ISY1: variants seen among roughly 807,000 people sequenced by gnomAD.
The protein encoded by ISY1 is ISY1 spliceosome associated protein.
In ISY1, 12 loss-of-function variants were observed where a neutral mutation model predicts 54.4. The observed-to-expected ratio is 0.22, with a 90% CI of 0.14 to 0.36. The LOEUF (loss-of-function observed/expected upper bound fraction) is 0.36, where lower values mean the gene tolerates loss of function less well. Among genes scored for constraint, ISY1 ranks in the 10% least tolerant of loss-of-function variants. The probability of loss-of-function intolerance (pLI) is 1.00; values close to 1 mark genes in which losing one functional copy is unlikely to be tolerated. For missense variants in ISY1, 282 were observed against 342.2 expected, an observed-to-expected ratio of 0.82 and a Z score of 1.39; for synonymous variants, 96 against 117.9, an observed-to-expected ratio of 0.81 and a Z score of 1.20.
At chr3:129,156,507 C>T (rs1176937520) in intron 5 of ISY1, 126 bp downstream of exon 5, 1 of 924,282 alleles carries the variant, frequency 1.1e-6, no homozygotes, top group Non-Finnish European at 1.6e-6. Flanking sequence ...TATTGATTGG[C>T]TCTTCTATGT....
intron 9 of ISY1, 135 bp from the exon 10 acceptor site, chr3:129,130,771 C>T (rs1936216906): frequency 1.1e-6 from 1 of 904,998 alleles, no homozygotes. Flanking sequence ...TAGAAAGACA[C>T]TTGACCCACA....
At chr3:129,137,500 A>G (rs1043934661) in intron 7 of ISY1, among the ~76,000 whole-genome samples, 11 of 152,210 alleles carry the variant, frequency 7.2e-5, no homozygotes, top group African/African-American at 2.2e-4. Flanking sequence ...ATAGAGCATA[A>G]TCACAATATA....
Position 129,135,713 on chromosome 3 carries a change from C to T in ISY1, c.419-759G>A, listed in dbSNP as rs561041434. Reference sequence around the variant, plus strand: ...CCCAGGGGACAGAGGTTGCAGTGAGCGAAGACTGCACCACTGCACTGCAGC... The same window carrying T: ...CCCAGGGGACAGAGGTTGCAGTGAGTGAAGACTGCACCACTGCACTGCAGC... On this transcript the variant is annotated intron_variant, in intron 7 of 10. Coordinates refer to ENST00000393295, the MANE Select transcript of ISY1 (RefSeq NM_020701.4). 1.0e-4 allele frequency among the ~76,000 whole-genome samples: 15 copies of T among 150,644 alleles called. No homozygotes were observed. In the East Asian group the frequency reaches 2.7e-3, roughly 27 times the overall value.
Position 129,156,680 on chromosome 3 carries a change from T to C in ISY1, c.145-5A>G, listed in dbSNP as rs1038901645. On this transcript the variant is annotated splice_polypyrimidine_tract_variant and splice_region_variant and intron_variant, in intron 4 of 10. Transcript: ENST00000393295. The stretch of plus-strand genomic sequence containing the variant: ...TTTAGAGATCTCTCCAATGATCTAT[T>C]AAAAAAAAGTAATACATTTTAATAA... 1 of 1,599,290 alleles carries C rather than the reference T, an allele frequency of 6.3e-7. No homozygotes were observed. Among genetic ancestry groups the C allele is most frequent in the Non-Finnish European group, 8.5e-7 (1 of 1,174,228 alleles).
chr3:129,134,362 C>T (rs1936329913), intron 8 of ISY1, among the ~76,000 whole-genome samples, 167 bp from the exon 9 acceptor site: 2 of 152,178 alleles, frequency 1.3e-5, no homozygotes, highest in African/African-American at 4.8e-5. Context: ...CATGGTAGTC[C>T]TACAACAGCT....
At chr3:129,156,223 CCT>C (rs939613161) in intron 5 of ISY1, among the ~76,000 whole-genome samples, 4 of 151,586 alleles carry the variant, frequency 2.6e-5, no homozygotes, top group African/African-American at 9.7e-5. Flanking sequence ...ATGGTGAAAC[CCT>C]GTCTCTACTG....
intron 9 of ISY1, among the ~76,000 whole-genome samples, chr3:129,132,122 C>T (rs185002543): frequency 1.1e-3 from 169 of 152,210 alleles, no homozygotes; most frequent in African/African-American, 3.8e-3. Flanking sequence ...GACCACCACC[C>T]CCGGCCAGTT....
intron 7 of ISY1, among the ~76,000 whole-genome samples, chr3:129,137,423 C>T (rs1936443006): frequency 6.6e-6 from 1 of 151,948 alleles, no homozygotes; most frequent in Non-Finnish European, 1.5e-5. Context: ...ATTTAAAAAC[C>T]CAAAACTCTA....
chr3:129,133,935 T>C, intron 9 of ISY1, 139 bp downstream of exon 9: 2 of 1,443,632 alleles, frequency 1.4e-6, no homozygotes, highest in Admixed American at 4.3e-5. Flanking sequence ...ATCTCGCAAG[T>C]GTTTTCACAG....
chr3:129,135,040 C>G (rs555436679), intron 7 of ISY1, 86 bp from the exon 8 acceptor site: 1 of 1,469,330 alleles, frequency 6.8e-7, no homozygotes, highest in Non-Finnish European at 9.1e-7. Flanking sequence ...TATACACACA[C>G]GTGGCACGTA....
chr3:129,138,740 G>A (rs1251074340), intron 7 of ISY1, among the ~76,000 whole-genome samples: 6 of 150,710 alleles, frequency 4.0e-5, no homozygotes, highest in African/African-American at 1.2e-4. Flanking sequence ...ACTTGAACCC[G>A]GGAGGCAGAG....
rs1269599676 is a variant in ISY1, at chr3:129,128,974, CCT to C, written c.*1105_*1106del. ...CACGGTGCAGCCCACTGCAAGGAGC[CCT>C]GTCTACAGCTGTGGCCACGGACGCC... On this transcript the variant is annotated 3_prime_UTR_variant, in exon 11 of 11. Coordinates refer to ENST00000393295, the MANE Select transcript of ISY1 (RefSeq NM_020701.4). The C allele has an allele frequency of 6.6e-6, 1 of 152,358 alleles. No homozygotes were observed. The highest frequency in any genetic ancestry group is 1.5e-5 in the Non-Finnish European group (1 of 68,154). 9.4% of individuals were successfully genotyped at this position (152,358 alleles called of 1,614,324 possible). A position where few individuals can be genotyped will look rare whatever the true frequency, so the allele number is the denominator to read the frequency against.
At chr3:129,156,801 G>A (rs371553602) in intron 4 of ISY1, 54 bp downstream of exon 4, 1 of 1,591,016 alleles carries the variant, frequency 6.3e-7, no homozygotes, top group Non-Finnish European at 8.5e-7. Context: ...TAGATAATAA[G>A]AAGAAATGAG....
chr3:129,149,057 T>C (rs780909851), intron 5 of ISY1, among the ~76,000 whole-genome samples: 3 of 152,016 alleles, frequency 2.0e-5, no homozygotes, highest in Non-Finnish European at 2.9e-5. Context: ...TCCCAATACT[T>C]TGGGAGACAC....
intron 7 of ISY1, among the ~76,000 whole-genome samples, chr3:129,137,767 C>T (rs934672088): frequency 1.3e-5 from 2 of 150,094 alleles, no homozygotes; most frequent in African/African-American, 4.9e-5. Flanking sequence ...AAAAACTTTG[C>T]CGGGCGTGGT....
At chr3:129,154,926 C>G (rs991492886) in intron 5 of ISY1, among the ~76,000 whole-genome samples, 13 of 151,848 alleles carry the variant, frequency 8.6e-5, no homozygotes, top group African/African-American at 2.9e-4. Flanking sequence ...CTGACCTCGT[C>G]ATCCGCCCGC....
chr3:129,137,328 T>C (rs560741075), intron 7 of ISY1: 32 of 477,012 alleles, frequency 6.7e-5, no homozygotes, highest in African/African-American at 6.3e-4. Context: ...TCTGTGCTAT[T>C]TGAATTATAA....
chr3:129,130,779 A>C, intron 9 of ISY1, 143 bp from the exon 10 acceptor site: 1 of 840,560 alleles, frequency 1.2e-6, no homozygotes, highest in Non-Finnish European at 1.8e-6. Flanking sequence ...CACTTGACCC[A>C]CAAGATTAAG....
chr3:129,140,438 T>C lies in ISY1; in HGVS notation c.348A>G (p.Gly116=). 1 of 1,613,434 alleles carries C rather than the reference T, an allele frequency of 6.2e-7. No individual in the cohort carries two copies. Among genetic ancestry groups the C allele is most frequent in the Non-Finnish European group, 8.5e-7 (1 of 1,179,868 alleles). The change falls in exon 7 of 11, where the codon GGA becomes GGG. Residue 116 remains glycine, a synonymous_variant. Transcript: ENST00000393295. ...CTCCAAAGTACTTGTAACCTCGGTTTCCTGGGACTTCTTTTCCTTCATGAT... is the reference window on the plus strand; with the variant it reads ...CTCCAAAGTACTTGTAACCTCGGTTCCCTGGGACTTCTTTTCCTTCATGAT... ...MLDHEGKEVP[G]NRGYKYFGAA...
Sources: allele counts gnomAD v4.1 joint callset (sites outside exome capture counted in the v4.1 genomes callset), GRCh38; gene constraint gnomAD v4.1.1; transcripts MANE v1.5; gene names NCBI Gene and HGNC (gene_info 2026-07-23, HGNC 2026-07-21).